EML4: variants seen among roughly 807,000 people sequenced by gnomAD.
EML4 encodes the protein EMAP like 4.
In EML4, 72 loss-of-function variants were observed where a neutral mutation model predicts 129.0. The ratio of observed to expected loss-of-function variants is 0.56; its 90% CI spans 0.46 to 0.68. The LOEUF is 0.68. Among genes scored for constraint, EML4 ranks in the 30% least tolerant of loss-of-function variants. The pLI is 0.00. For synonymous variants in EML4, 532 were observed against 405.0 expected, an observed-to-expected ratio of 1.31 and a Z score of -3.77; for missense variants, 1,363 against 1,190.6, an observed-to-expected ratio of 1.14 and a Z score of -2.13.
intron 11 of EML4, among the ~76,000 whole-genome samples, chr2:42,292,156 T>C (rs1399917677): frequency 6.6e-6 from 1 of 152,224 alleles, no homozygotes; most frequent in Non-Finnish European, 1.5e-5. Flanking sequence ...AGCAGAAAGA[T>C]AAATTTTAGT....
chr2:42,251,117 C>T (rs1405141143), intron 2 of EML4, among the ~76,000 whole-genome samples: 2 of 152,324 alleles, frequency 1.3e-5, no homozygotes, highest in Admixed American at 1.3e-4. Context: ...TCACCTCCTG[C>T]TGTCTGGCCT....
intron 3 of EML4, 144 bp from the exon 4 acceptor site, chr2:42,260,977 T>G: frequency 1.7e-6 from 1 of 583,012 alleles, no homozygotes; most frequent in South Asian, 2.9e-5. Flanking sequence ...CAAAGAAATA[T>G]TGTCCTTATT....
intron 1 of EML4, among the ~76,000 whole-genome samples, chr2:42,238,207 T>A (rs957189096): frequency 6.6e-6 from 1 of 152,146 alleles, no homozygotes; most frequent in Non-Finnish European, 1.5e-5. Flanking sequence ...TCTGAAAAAT[T>A]TGAGACCTGA....
At chr2:42,191,255 T>C (rs535452065) in intron 1 of EML4, among the ~76,000 whole-genome samples, 1 of 152,250 alleles carries the variant, frequency 6.6e-6, no homozygotes, top group African/African-American at 2.4e-5. Flanking sequence ...TAATTGAGGG[T>C]AAGTTATACA....
intron 21 of EML4, 24 bp downstream of exon 21, chr2:42,326,276 A>G: frequency 1.3e-6 from 2 of 1,538,976 alleles, no homozygotes; most frequent in Admixed American, 3.5e-5. Flanking sequence ...ACCTGATGTA[A>G]AGAAGTGGTT....
In EML4 at chr2:42,264,717, T is replaced by G. The variant is rs370838770; in HGVS notation, c.653T>G (p.Val218Gly). The G allele has an allele frequency of 1.2e-5, 17 of 1,448,962 alleles. No individual in the cohort carries two copies. The highest frequency in any genetic ancestry group is 1.5e-5 in the Non-Finnish European group (16 of 1,041,418). The allele number at this position is 1,448,962 out of a possible 1,614,324, so 89.8% of individuals were successfully genotyped here. A position where few individuals can be genotyped will look rare whatever the true frequency, so the allele number is the denominator to read the frequency against. ...AATTTCTTTTCTAGGCATAAAGATG[T>G]CATCATCAACCAAGGTAAATTAAAA... Reference protein sequence around the residue: ...VTKTADKHKDVIINQEGEYIK... With the variant: ...VTKTADKHKDGIINQEGEYIK... Residue 218 changes from valine to glycine, a missense_variant, in exon 6 of 23, where the codon GTC becomes GGC. Physicochemically the swap from Val to Gly is moderately radical, Grantham distance 109. Transcript: ENST00000318522.
At position 42,169,372 on chromosome 2, in the gene EML4, C is replaced by T. The variant is rs1293933513; in HGVS notation, c.-240C>T. 5.1e-5 allele frequency: 13 copies of T among 253,780 alleles called. No individual in the cohort carries two copies. Among genetic ancestry groups the T allele is most frequent in the African/African-American group, 2.5e-4 (11 of 44,084 alleles). 15.7% of individuals were successfully genotyped at this position (253,780 alleles called of 1,614,324 possible). ...CGCGGCGCGGCGCTCGCGGCTGCTG[C>T]CTGGGAGGGAGGCCGGGCAGGCGGC... On this transcript the variant is annotated 5_prime_UTR_variant, in exon 1 of 23. Transcript: ENST00000318522.
intron 1 of EML4, among the ~76,000 whole-genome samples, chr2:42,182,896 C>T (rs539282166): frequency 3.3e-5 from 5 of 152,246 alleles, no homozygotes; most frequent in African/African-American, 1.2e-4. Context: ...TTTGTGTGTA[C>T]ATATCACTGG....
At chr2:42,282,704 T>G in intron 7 of EML4, 119 bp from the exon 8 acceptor site, 1 of 908,320 alleles carries the variant, frequency 1.1e-6, no homozygotes, top group South Asian at 1.5e-5. Flanking sequence ...GACATGAGTT[T>G]TCTAGTTCTA....
chr2:42,170,324 C>T (rs903956795), intron 1 of EML4: 1 of 152,190 alleles, frequency 6.6e-6, no homozygotes, highest in African/African-American at 2.4e-5. Flanking sequence ...GTTGGGGGAC[C>T]CTCTTTAAGA....
chr2:42,274,708 A>G (rs1666559902), intron 6 of EML4, among the ~76,000 whole-genome samples: 2 of 152,230 alleles, frequency 1.3e-5, no homozygotes, highest in Admixed American at 1.3e-4. Context: ...ACTGTCCCAA[A>G]AGAATGAGAG....
At chr2:42,299,791 C>T (rs1480420722) in intron 13 of EML4, among the ~76,000 whole-genome samples, 1 of 152,150 alleles carries the variant, frequency 6.6e-6, no homozygotes, top group Admixed American at 6.5e-5. Flanking sequence ...CAGGTTCAAG[C>T]GATTCTCCTG....
At chr2:42,207,124 T>C (rs1558502161) in intron 1 of EML4, among the ~76,000 whole-genome samples, 1 of 152,240 alleles carries the variant, frequency 6.6e-6, no homozygotes, top group Non-Finnish European at 1.5e-5. Flanking sequence ...AGCGTGATTA[T>C]TGGTTACATT....
intron 17 of EML4, among the ~76,000 whole-genome samples, chr2:42,315,634 G>A (rs1004658506): frequency 6.6e-6 from 1 of 152,196 alleles, no homozygotes; most frequent in Non-Finnish European, 1.5e-5. Flanking sequence ...ATTACTTTGG[G>A]AGGCTGAGGT....
Position 42,282,758 on chromosome 2 carries a change from A to G in EML4, c.792-65A>G, listed in dbSNP as rs149127268. 2.0e-4 allele frequency: 286 copies of G among 1,403,350 alleles called. 1 individual carries two copies. In the East Asian group the frequency reaches 6.2e-3, roughly 31 times the overall value. The allele number at this position is 1,403,350 out of a possible 1,614,324, so 86.9% of individuals were successfully genotyped here. On this transcript the variant is annotated intron_variant, in intron 7 of 22. Coordinates refer to ENST00000318522, the MANE Select transcript of EML4 (RefSeq NM_019063.5). ...TACCTTCCTAATTCCTTAAGTATCC[A>G]TGAAAAATCTGTTAACAACTTGAAA...
intron 1 of EML4, among the ~76,000 whole-genome samples, chr2:42,202,892 G>A (rs571835099): frequency 6.6e-6 from 1 of 152,268 alleles, no homozygotes; most frequent in South Asian, 2.1e-4. Context: ...GCCTGGTGGG[G>A]TGGTGTATGC....
intron 19 of EML4, among the ~76,000 whole-genome samples, chr2:42,322,649 G>A (rs1483596313): frequency 6.6e-6 from 1 of 152,104 alleles, no homozygotes; most frequent in Admixed American, 6.5e-5. Flanking sequence ...ATAATGAAAG[G>A]GCCAGCTTAG....
At chr2:42,239,694 G>C (rs993989134) in intron 1 of EML4, among the ~76,000 whole-genome samples, 1 of 151,100 alleles carries the variant, frequency 6.6e-6, no homozygotes, top group Non-Finnish European at 1.5e-5. Context: ...TAAAAACCAG[G>C]GGGCAATTAG....
chr2:42,261,192 A>G lies in EML4; in HGVS notation c.410A>G (p.Gln137Arg), dbSNP rs1665711930. 6.2e-7 allele frequency: 1 copy of G among 1,613,866 alleles called. No homozygotes were observed. Among genetic ancestry groups the G allele is most frequent in the Non-Finnish European group, 8.5e-7 (1 of 1,179,928 alleles). Residue 137 changes from glutamine (Q) to arginine (R), a missense_variant, in exon 4 of 23, where the codon CAA becomes CGA. Transcript: ENST00000318522. ...EKKEESHSND[Q>R]SPQIRASPSP... Reference sequence around the variant, plus strand: ...AAAGAGGAATCTCATTCTAATGATCAAAGTCCACAAATTCGAGCATCACCT... The same window carrying G: ...AAAGAGGAATCTCATTCTAATGATCGAAGTCCACAAATTCGAGCATCACCT...
Sources: allele counts gnomAD v4.1 joint callset (sites outside exome capture counted in the v4.1 genomes callset), GRCh38; gene constraint gnomAD v4.1.1; transcripts MANE v1.5; gene names NCBI Gene and HGNC (gene_info 2026-07-23, HGNC 2026-07-21).